Variants in NSMCE2 observed in about 807,000 individuals in gnomAD.
The protein encoded by NSMCE2 is NSE2 SUMO ligase component of SMC5/6 complex.
NSMCE2 carries 24 observed loss-of-function variants against 23.8 expected under a neutral mutation model. That is an observed-to-expected ratio of 1.01 (90% confidence interval 0.73 to 1.42). The LOEUF (loss-of-function observed/expected upper bound fraction) is 1.42, where lower values mean the gene tolerates loss of function less well. Ranked by LOEUF, NSMCE2 falls within the 40% of genes most tolerant of loss-of-function variation. The pLI is 0.00. For missense variants in NSMCE2, 284 were observed against 296.5 expected (o/e 0.96, Z 0.31); for synonymous variants, 92 against 94.1 (o/e 0.98, Z 0.13).
intron 3 of NSMCE2, chr8:125,124,214 A>G (rs151075764): frequency 2.0e-5 from 3 of 152,298 alleles, no homozygotes; most frequent in Non-Finnish European, 4.4e-5. Flanking sequence ...TGTTGCATGT[A>G]TCAGTAAGTA....
intron 5 of NSMCE2, among the ~76,000 whole-genome samples, chr8:125,251,341 A>G (rs1438055271): frequency 6.6e-6 from 1 of 152,358 alleles, no homozygotes; most frequent in East Asian, 1.9e-4. Context: ...GTATTTTCAA[A>G]AAGAAAACTT....
intron 5 of NSMCE2, among the ~76,000 whole-genome samples, chr8:125,251,424 A>G (rs1180869783): frequency 6.6e-6 from 1 of 152,230 alleles, no homozygotes; most frequent in African/African-American, 2.4e-5. Flanking sequence ...TGATTTTTAA[A>G]TGGGAGAGAC....
intron 5 of NSMCE2, among the ~76,000 whole-genome samples, chr8:125,302,097 C>T (rs943513221): frequency 2.6e-5 from 4 of 152,070 alleles, no homozygotes; most frequent in Non-Finnish European, 2.9e-5. Context: ...GCTGGGATTA[C>T]AGGTGCGTGG....
intron 6 of NSMCE2, among the ~76,000 whole-genome samples, 192 bp downstream of exon 6, chr8:125,357,511 G>T (rs1315507440): frequency 6.6e-6 from 1 of 152,214 alleles, no homozygotes; most frequent in African/African-American, 2.4e-5. Context: ...TGCCCTGAAG[G>T]ATCCGGGACT....
chr8:125,234,509 A>G (rs1219970836), intron 5 of NSMCE2, among the ~76,000 whole-genome samples: 2 of 152,166 alleles, frequency 1.3e-5, no homozygotes. Context: ...TGCCAGGATA[A>G]TCTCCCTAAA....
At chr8:125,183,634 G>GGTGTGTGTGTGTGTGTGTGTGTGTGTGT (rs59285361) in intron 5 of NSMCE2, among the ~76,000 whole-genome samples, 3 of 147,502 alleles carry the variant, frequency 2.0e-5, no homozygotes, top group African/African-American at 7.5e-5. Flanking sequence ...ATTACTCAGT[G>GGTGTGTGTGTGTGTGTGTGTGTGTGTGT]GTGTGTGTGT....
intron 5 of NSMCE2, among the ~76,000 whole-genome samples, chr8:125,250,962 T>G (rs182615308): frequency 1.0e-3 from 157 of 152,354 alleles, no homozygotes; most frequent in African/African-American, 3.7e-3. Flanking sequence ...TAAAACAACA[T>G]GCACAATATG....
chr8:125,224,164 G>A (rs773402226), intron 5 of NSMCE2, among the ~76,000 whole-genome samples: 88 of 152,070 alleles, frequency 5.8e-4, no homozygotes, highest in Non-Finnish European at 1.1e-3. Context: ...CAGGTTATTT[G>A]TTTTCTTGCT....
chr8:125,204,046 A>G (rs1476774216), intron 5 of NSMCE2, among the ~76,000 whole-genome samples: 1 of 152,208 alleles, frequency 6.6e-6, no homozygotes, highest in Admixed American at 6.5e-5. Flanking sequence ...TTATATCCCT[A>G]GTGCCTAAAA....
In NSMCE2 at chr8:125,141,610, G is replaced by A. The variant is rs1030625209; in HGVS notation, c.158-9561G>A. Among the ~76,000 whole-genome samples, 8 of 152,196 alleles carry A rather than the reference G, an allele frequency of 5.3e-5. No individual in the cohort carries two copies. The East Asian group carries it at 7.7e-4, about 15-fold the overall frequency. The stretch of plus-strand genomic sequence containing the variant: ...GTGCCTGGCACAGACTCAGTGCTCC[G>A]TGAAGATTTGTTCTGTTTTAAAAAT... On this transcript the variant is annotated intron_variant, in intron 3 of 7. Transcript: ENST00000287437.
At chr8:125,096,758 G>T (rs1817957103) in intron 1 of NSMCE2, among the ~76,000 whole-genome samples, 1 of 148,544 alleles carries the variant, frequency 6.7e-6, no homozygotes. Context: ...CTGCAGGTGT[G>T]TACCACCATG....
At chr8:125,133,262 G>A (rs1819865052) in intron 3 of NSMCE2, among the ~76,000 whole-genome samples, 1 of 152,112 alleles carries the variant, frequency 6.6e-6, no homozygotes, top group African/African-American at 2.4e-5. Flanking sequence ...AAATGACTAG[G>A]ATATTTAAGT....
At position 125,225,243 on chromosome 8, in the gene NSMCE2, G is replaced by A. The variant is rs6988465; in HGVS notation, c.418+42987G>A. The stretch of plus-strand genomic sequence containing the variant: ...TTTTGCCATTCAGAGAGGCACTGTG[G>A]GGCCATGCCAAGAAACAAATTAGCT... On this transcript the variant is annotated intron_variant, in intron 5 of 7. Coordinates refer to ENST00000287437, the MANE Select transcript of NSMCE2 (RefSeq NM_173685.4). 2.5e-3 allele frequency among the ~76,000 whole-genome samples: 388 copies of A among 152,280 alleles called. 1 individual carries two copies. The highest frequency in any genetic ancestry group is 4.3e-3 in the Non-Finnish European group (295 of 68,024).
At chr8:125,102,823 A>T (rs866350778) in intron 3 of NSMCE2, among the ~76,000 whole-genome samples, 11 of 152,196 alleles carry the variant, frequency 7.2e-5, no homozygotes, top group South Asian at 2.1e-4. Flanking sequence ...GTTATTTTTC[A>T]GTAGTTTATA....
chr8:125,257,522 C>CTT (rs1174718163), intron 5 of NSMCE2, among the ~76,000 whole-genome samples: 29 of 84,618 alleles, frequency 3.4e-4, no homozygotes, highest in Non-Finnish European at 5.5e-4. Context: ...CCAAATTTCT[C>CTT]TTTTTTTTTT....
At position 125,129,572 on chromosome 8, in the gene NSMCE2, G is replaced by GTGTGTGTC. The variant is rs1295657606; in HGVS notation, c.158-21591_158-21584dup. ...TGTGTGTGTGTGTGTGTGTGTGTGT[G>GTGTGTGTC]TGTGTGTCTGTGTGTTTCATTGATA... On this transcript the variant is annotated intron_variant, in intron 3 of 7. Coordinates refer to ENST00000287437, the MANE Select transcript of NSMCE2 (RefSeq NM_173685.4). Among the ~76,000 whole-genome samples the GTGTGTGTC allele has an allele frequency of 1.8e-3, 267 of 151,856 alleles. 1 individual carries two copies. The highest frequency in any genetic ancestry group is 6.3e-3 in the African/African-American group (261 of 41,382).
At chr8:125,284,035 T>G (rs1827797864) in intron 5 of NSMCE2, among the ~76,000 whole-genome samples, 2 of 151,808 alleles carry the variant, frequency 1.3e-5, no homozygotes, top group Non-Finnish European at 1.5e-5. Flanking sequence ...GCGCCTGTAG[T>G]CTCAGCTACT....
chr8:125,213,136 G>A (rs1362195597), intron 5 of NSMCE2, among the ~76,000 whole-genome samples: 3 of 152,172 alleles, frequency 2.0e-5, no homozygotes, highest in Non-Finnish European at 2.9e-5. Context: ...GAGTCGACCT[G>A]TATGAAAAAG....
At chr8:125,098,898 G>A (rs938642768) in intron 1 of NSMCE2, among the ~76,000 whole-genome samples, 2 of 152,112 alleles carry the variant, frequency 1.3e-5, no homozygotes, top group African/African-American at 2.4e-5. Flanking sequence ...GGGTCTAGTT[G>A]GGAACACTAG....
Sources: allele counts gnomAD v4.1 joint callset (sites outside exome capture counted in the v4.1 genomes callset), GRCh38; gene constraint gnomAD v4.1.1; transcripts MANE v1.5; gene names NCBI Gene and HGNC (gene_info 2026-07-23, HGNC 2026-07-21).